Variants in PRKCA observed in about 807,000 individuals in gnomAD.
The protein encoded by PRKCA is protein kinase C alpha.
A neutral mutation model predicts 87.0 loss-of-function variants in PRKCA; 27 were observed. That is an observed-to-expected ratio of 0.31 (90% CI 0.23 to 0.43). The LOEUF (loss-of-function observed/expected upper bound fraction) is 0.43, where lower values mean the gene tolerates loss of function less well. PRKCA is among the 20% of genes least tolerant of loss of function. The pLI, the probability that PRKCA is intolerant of heterozygous loss-of-function variation, is 1.00. For missense variants in PRKCA, 518 were observed against 852.3 expected (o/e 0.61, Z 4.88); for synonymous variants, 329 against 311.1 (o/e 1.06, Z -0.61).
chr17:66,636,834 G>A (rs1263422996), intron 3 of PRKCA, among the ~76,000 whole-genome samples: 1 of 152,146 alleles, frequency 6.6e-6, no homozygotes, highest in African/African-American at 2.4e-5. Flanking sequence ...CGGGACTGGG[G>A]TCAGAACACA....
intron 3 of PRKCA, among the ~76,000 whole-genome samples, chr17:66,616,714 G>C (rs941295366): frequency 1.2e-4 from 19 of 152,326 alleles, no homozygotes; most frequent in Non-Finnish European, 1.6e-4. Flanking sequence ...CTCAGCCATT[G>C]TCACACTATT....
At chr17:66,643,819 G>T (rs1457948342) in intron 4 of PRKCA, among the ~76,000 whole-genome samples, 1 of 152,162 alleles carries the variant, frequency 6.6e-6, no homozygotes, top group Non-Finnish European at 1.5e-5. Flanking sequence ...CCTAGATAGA[G>T]TTCCACTTGG....
At chr17:66,406,621 A>G (rs1911418735) in intron 2 of PRKCA, among the ~76,000 whole-genome samples, 1 of 35,332 alleles carries the variant, frequency 2.8e-5, no homozygotes, top group Non-Finnish European at 8.3e-5. Context: ...AATGTCATAG[A>G]AAAGATACCG....
At chr17:66,631,957 A>G (rs1971026543) in intron 3 of PRKCA, among the ~76,000 whole-genome samples, 1 of 152,236 alleles carries the variant, frequency 6.6e-6, no homozygotes, top group Admixed American at 6.5e-5. Flanking sequence ...GGTCTTAATA[A>G]TAGCTTTTCA....
At chr17:66,525,210 G>A (rs540061745) in intron 3 of PRKCA, among the ~76,000 whole-genome samples, 1 of 152,264 alleles carries the variant, frequency 6.6e-6, no homozygotes, top group African/African-American at 2.4e-5. Flanking sequence ...GCAGAAATGA[G>A]TGTAAAACAA....
intron 2 of PRKCA, among the ~76,000 whole-genome samples, chr17:66,362,854 C>G (rs942035218): frequency 1.3e-5 from 2 of 152,058 alleles, no homozygotes; most frequent in Admixed American, 6.6e-5. Context: ...GCCGCCATGC[C>G]AGGCTAATTT....
chr17:66,309,510 A>G (rs1806472659), intron 2 of PRKCA, among the ~76,000 whole-genome samples: 1 of 152,186 alleles, frequency 6.6e-6, no homozygotes, highest in Admixed American at 6.5e-5. Context: ...AGGGCAAGTA[A>G]CACAGGATCC....
chr17:66,332,914 A>G (rs1039695514), intron 2 of PRKCA, among the ~76,000 whole-genome samples: 14 of 151,892 alleles, frequency 9.2e-5, no homozygotes, highest in Admixed American at 2.0e-4. Flanking sequence ...GATGGTCTCA[A>G]TCTCCTGACC....
rs34806174 is a variant in PRKCA at position 66,418,918 on chromosome 17, A to ATT, written c.206-77269_206-77268dup. On this transcript the variant is annotated intron_variant, in intron 2 of 16. Transcript: ENST00000413366. The stretch of plus-strand genomic sequence containing the variant: ...AGGCGCCCACCATCACGCCCGGCTA[A>ATT]TTTTTTTTTTTTTTTGTATTTTTAG... Among the ~76,000 whole-genome samples the ATT allele has an allele frequency of 7.3e-3, 1,036 of 141,566 alleles. 13 individuals carry two copies. Among genetic ancestry groups the ATT allele is most frequent in the African/African-American group, 0.025 (956 of 38,400 alleles). 92.9% of individuals were successfully genotyped at this position (141,566 alleles called of 152,430 possible).
rs10529618 is a variant in PRKCA, at chr17:66,489,352, CATATATATATATATATATATAT to C, written c.206-6826_206-6805del. ...AAATGGAAAATGACCCTTAGCAGTGCATATATATATATATATATATATATATATATATATATATATATATTTC... is the reference window on the plus strand; with the variant it reads ...AAATGGAAAATGACCCTTAGCAGTGCATATATATATATATATATATATTTC... On this transcript the variant is annotated intron_variant, in intron 2 of 16. Transcript: ENST00000413366. 6.6e-4 allele frequency among the ~76,000 whole-genome samples: 65 copies of C among 98,960 alleles called. 1 individual carries two copies. Among genetic ancestry groups the C allele is most frequent in the Admixed American group, 1.9e-3 (18 of 9,448 alleles). 64.9% of individuals were successfully genotyped at this position (98,960 alleles called of 152,430 possible). A position where few individuals can be genotyped will look rare whatever the true frequency, so the allele number is the denominator to read the frequency against.
At chr17:66,431,127 C>T (rs1159403489) in intron 2 of PRKCA, among the ~76,000 whole-genome samples, 1 of 152,182 alleles carries the variant, frequency 6.6e-6, no homozygotes, top group Non-Finnish European at 1.5e-5. Context: ...TTTCAGAATG[C>T]TTACTTTCTT....
chr17:66,602,686 T>C (rs1970085182), intron 3 of PRKCA, among the ~76,000 whole-genome samples: 1 of 152,236 alleles, frequency 6.6e-6, no homozygotes, highest in Non-Finnish European at 1.5e-5. Flanking sequence ...GAGAAAATAT[T>C]ATACAGATCT....
intron 14 of PRKCA, chr17:66,775,618 A>G: frequency 1.0e-6 from 1 of 985,442 alleles, no homozygotes; most frequent in Non-Finnish European, 1.2e-6. Flanking sequence ...CCATAGCCAG[A>G]AGCCTTAGTC....
At chr17:66,797,245 C>T (rs190783510) in intron 16 of PRKCA, among the ~76,000 whole-genome samples, 1 of 152,238 alleles carries the variant, frequency 6.6e-6, no homozygotes, top group Non-Finnish European at 1.5e-5. Flanking sequence ...GTGTTTGCCA[C>T]ACAAGGCTCC....
rs9901409 is a variant in PRKCA, at chr17:66,757,837, G to T, written c.1524+15077G>T. Among the ~76,000 whole-genome samples, 1,415 of 152,230 alleles carry T rather than the reference G, an allele frequency of 9.3e-3. 21 individuals are homozygous for T. The highest frequency in any genetic ancestry group is 0.033 in the African/African-American group (1,367 of 41,528). ...CCTCCCAGGTTCATACCATTCTCCT[G>T]CCTCAGCCTCTCGAGTAGCTGGGAC... On this transcript the variant is annotated intron_variant, in intron 13 of 16. Coordinates refer to ENST00000413366, the MANE Select transcript of PRKCA (RefSeq NM_002737.3).
intron 2 of PRKCA, among the ~76,000 whole-genome samples, chr17:66,479,614 TC>T (rs1915686780): frequency 6.6e-6 from 1 of 152,180 alleles, no homozygotes. Context: ...TAAATTCCCA[TC>T]AATGATAGAC....
chr17:66,716,782 A>G (rs117790524), intron 8 of PRKCA, among the ~76,000 whole-genome samples: 2,874 of 152,336 alleles, frequency 0.019, 45 homozygotes, highest in Non-Finnish European at 0.029. Flanking sequence ...CAAAGTGCCA[A>G]CACGTCAGGG....
chr17:66,309,865 T>G (rs1905007986), intron 2 of PRKCA, among the ~76,000 whole-genome samples: 1 of 152,124 alleles, frequency 6.6e-6, no homozygotes, highest in Non-Finnish European at 1.5e-5. Context: ...ATTGATGAAG[T>G]TGAGTTTCAA....
At chr17:66,318,544 A>G (rs1196037045) in intron 2 of PRKCA, among the ~76,000 whole-genome samples, 2 of 152,076 alleles carry the variant, frequency 1.3e-5, no homozygotes, top group East Asian at 1.9e-4. Flanking sequence ...GAGCGGGAAT[A>G]GTTGGTATGC....
Sources: gnomAD v4.1 joint callset for allele counts (sites outside exome capture counted in the v4.1 genomes callset) on GRCh38, gnomAD v4.1.1 for gene constraint, MANE v1.5 for transcripts, NCBI Gene and HGNC (gene_info 2026-07-23, HGNC 2026-07-21) for gene names.